ADAMTSL1: variants seen among roughly 807,000 people sequenced by gnomAD.
The protein encoded by ADAMTSL1 is ADAMTS-like protein 1.
In ADAMTSL1, 126 loss-of-function variants were observed where a neutral mutation model predicts 201.8. The ratio of observed to expected loss-of-function variants is 0.62; its 90% CI spans 0.54 to 0.72. ADAMTSL1 has a LOEUF of 0.72. Among genes scored for constraint, ADAMTSL1 ranks in the 30% least tolerant of loss-of-function variants. The pLI, the probability that ADAMTSL1 is intolerant of heterozygous loss-of-function variation, is 0.00. For missense variants in ADAMTSL1, 2,679 were observed against 2,277.8 expected (o/e 1.18, Z -3.59); for synonymous variants, 1,121 against 903.4 (o/e 1.24, Z -4.32).
chr9:18,782,943 A>G (rs1005778638), intron 19 of ADAMTSL1, among the ~76,000 whole-genome samples: 3 of 152,248 alleles, frequency 2.0e-5, no homozygotes, highest in African/African-American at 7.2e-5. Flanking sequence ...GGGTAACTGG[A>G]GACCAAGGGA....
intron 23 of ADAMTSL1, among the ~76,000 whole-genome samples, chr9:18,864,117 G>A (rs1218141800): frequency 2.6e-5 from 4 of 152,122 alleles, no homozygotes; most frequent in African/African-American, 4.8e-5. Flanking sequence ...AGTTAAATAC[G>A]TGAAAATTCC....
chr9:18,546,961 C>T (rs1820505911), intron 3 of ADAMTSL1, among the ~76,000 whole-genome samples: 3 of 152,130 alleles, frequency 2.0e-5, no homozygotes, highest in African/African-American at 7.2e-5. Context: ...ATAAGGTCTT[C>T]TAAATTTTAC....
chr9:18,290,421 A>G (rs10738506), intron 2 of ADAMTSL1, among the ~76,000 whole-genome samples: 72,339 of 151,916 alleles, frequency 0.48, 17,934 homozygotes, highest in South Asian at 0.69. Context: ...CATAGATCAC[A>G]TGGACACCAA....
At chr9:18,176,977 T>G (rs976271048) in intron 2 of ADAMTSL1, among the ~76,000 whole-genome samples, 2 of 152,238 alleles carry the variant, frequency 1.3e-5, no homozygotes, top group Non-Finnish European at 2.9e-5. Context: ...ACAGAAAATT[T>G]CAGGTAGACA....
chr9:18,197,120 C>T (rs181604414), intron 2 of ADAMTSL1, among the ~76,000 whole-genome samples: 1 of 152,110 alleles, frequency 6.6e-6, no homozygotes, highest in Non-Finnish European at 1.5e-5. Flanking sequence ...CTGTCTTATT[C>T]AGAGTAATGA....
At chr9:17,935,550 C>A (rs1348190994) in intron 1 of ADAMTSL1, among the ~76,000 whole-genome samples, 2 of 152,108 alleles carry the variant, frequency 1.3e-5, no homozygotes, top group Admixed American at 1.3e-4. Context: ...CCCACTCCCC[C>A]AAAAGCAAAA....
chr9:18,562,061 A>C (rs572382535), intron 3 of ADAMTSL1, among the ~76,000 whole-genome samples: 4 of 152,166 alleles, frequency 2.6e-5, no homozygotes, highest in African/African-American at 9.7e-5. Context: ...TGATCCTGTC[A>C]TTATGATGCC....
chr9:18,581,895 G>C (rs1176032050), intron 4 of ADAMTSL1, among the ~76,000 whole-genome samples: 1 of 152,174 alleles, frequency 6.6e-6, no homozygotes, highest in African/African-American at 2.4e-5. Context: ...AGTCAGCCCA[G>C]GCTTCTGCAT....
chr9:18,735,468 A>G (rs1208288011), intron 15 of ADAMTSL1, among the ~76,000 whole-genome samples: 3 of 152,216 alleles, frequency 2.0e-5, no homozygotes, highest in Admixed American at 2.0e-4. Flanking sequence ...TCAGTCTTCA[A>G]AATGCTTGCT....
At chr9:18,089,146 C>G (rs1453692311) in intron 1 of ADAMTSL1, among the ~76,000 whole-genome samples, 2 of 152,112 alleles carry the variant, frequency 1.3e-5, no homozygotes, top group East Asian at 3.9e-4. Flanking sequence ...GAGCGAAACT[C>G]TGTCTCAAAA....
chr9:18,010,223 A>G (rs1229192316), intron 1 of ADAMTSL1, among the ~76,000 whole-genome samples: 1 of 152,018 alleles, frequency 6.6e-6, no homozygotes, highest in Non-Finnish European at 1.5e-5. Flanking sequence ...CTTAAAGTTT[A>G]AGCATTAGAG....
At chr9:17,947,958 G>A (rs1827577032) in intron 1 of ADAMTSL1, among the ~76,000 whole-genome samples, 1 of 152,140 alleles carries the variant, frequency 6.6e-6, no homozygotes, top group Non-Finnish European at 1.5e-5. Context: ...AATTTTTGAA[G>A]CAGACATTGA....
chr9:17,934,785 C>A (rs1207050574), intron 1 of ADAMTSL1, among the ~76,000 whole-genome samples: 1 of 151,872 alleles, frequency 6.6e-6, no homozygotes, highest in African/African-American at 2.4e-5. Context: ...GGATAAACTA[C>A]CCATTTCCCC....
intron 1 of ADAMTSL1, among the ~76,000 whole-genome samples, chr9:18,486,294 C>G (rs145011669): frequency 4.6e-5 from 7 of 152,224 alleles, no homozygotes; most frequent in Admixed American, 1.3e-4. Flanking sequence ...AACTTTCTGT[C>G]ATTCAGCAAA....
At chr9:18,691,980 G>A (rs1194956647) in intron 13 of ADAMTSL1, among the ~76,000 whole-genome samples, 1 of 151,924 alleles carries the variant, frequency 6.6e-6, no homozygotes, top group Non-Finnish European at 1.5e-5. Flanking sequence ...TGGAGAAATT[G>A]AGGCAGCTGT....
intron 2 of ADAMTSL1, among the ~76,000 whole-genome samples, chr9:18,381,943 T>C (rs890509800): frequency 1.3e-5 from 2 of 152,168 alleles, no homozygotes; most frequent in Admixed American, 1.3e-4. Flanking sequence ...CTTTTTCCCT[T>C]CCCTAGCATG....
intron 1 of ADAMTSL1, among the ~76,000 whole-genome samples, chr9:18,035,436 G>A (rs1034801459): frequency 1.3e-5 from 2 of 152,162 alleles, no homozygotes; most frequent in Non-Finnish European, 2.9e-5. Flanking sequence ...GAGGAGATAT[G>A]AGGAAGAGGG....
At chr9:18,234,906 A>G (rs1328091326) in intron 2 of ADAMTSL1, among the ~76,000 whole-genome samples, 1 of 152,204 alleles carries the variant, frequency 6.6e-6, no homozygotes, top group Non-Finnish European at 1.5e-5. Flanking sequence ...TTACTATAGA[A>G]TAGTTTTAGA....
At chr9:18,589,235 G>A (rs1223517051) in intron 4 of ADAMTSL1, among the ~76,000 whole-genome samples, 2 of 151,678 alleles carry the variant, frequency 1.3e-5, no homozygotes, top group African/African-American at 4.8e-5. Flanking sequence ...CATTTTTTTG[G>A]TGGCCTCTTC....
Sources: allele counts gnomAD v4.1 joint callset (sites outside exome capture counted in the v4.1 genomes callset), GRCh38; gene constraint gnomAD v4.1.1; transcripts MANE v1.5; gene names NCBI Gene and HGNC (gene_info 2026-07-23, HGNC 2026-07-21).